PC: variants seen among roughly 807,000 people sequenced by gnomAD.
The protein encoded by PC is pyruvate carboxylase, also known as pyruvate carboxylase, mitochondrial.
PC carries 46 observed loss-of-function variants against 107.8 expected under a neutral mutation model. The ratio of observed to expected loss-of-function variants is 0.43; its 90% confidence interval spans 0.34 to 0.55. PC has a LOEUF of 0.55. Ranked by LOEUF, PC falls within the 20% of genes least tolerant of loss-of-function variation. The pLI, the probability that PC is intolerant of heterozygous loss-of-function variation, is 0.04. For missense variants in PC, 1,241 were observed against 1,643.1 expected (o/e 0.76, Z 4.23); for synonymous variants, 662 against 684.7 (o/e 0.97, Z 0.52).
chr11:66,878,811 G>A (rs1249839662), intron 3 of PC, among the ~76,000 whole-genome samples: 1 of 152,152 alleles, frequency 6.6e-6, no homozygotes, highest in African/African-American at 2.4e-5. Context: ...AGGGCTCTTC[G>A]GCTGAAGTCA....
chr11:66,949,296 A>G (rs1003674380), intron 3 of PC, among the ~76,000 whole-genome samples: 2 of 151,710 alleles, frequency 1.3e-5, no homozygotes, highest in Non-Finnish European at 2.9e-5. Context: ...ATGCCCGGCC[A>G]GAAGAATTAT....
At chr11:66,950,470 T>C (rs1418937326) in intron 3 of PC, among the ~76,000 whole-genome samples, 1 of 152,034 alleles carries the variant, frequency 6.6e-6, no homozygotes, top group African/African-American at 2.4e-5. Context: ...GTACCTGGGG[T>C]AACGCCTTCA....
chr11:66,858,529 G>T lies in PC; in HGVS notation c.1369-5146C>A, dbSNP rs747655680. The T allele has an allele frequency of 5.2e-6, 8 of 1,533,708 alleles. No homozygotes were observed. Among genetic ancestry groups the T allele is most frequent in the Non-Finnish European group, 6.1e-6 (7 of 1,145,372 alleles). On this transcript the variant is annotated intron_variant, in intron 12 of 22. Transcript: ENST00000393960. The surrounding 1 kb of genome is among the most constrained non-coding windows in gnomAD (Gnocchi z 5.9). ...CTGGAAACGTGCGCCTCCCCGCCCG[G>T]CCTGGCCGGCCGCTACTTCTGGGCA...
At chr11:66,897,306 C>A (rs1947794478) in intron 3 of PC, among the ~76,000 whole-genome samples, 1 of 152,174 alleles carries the variant, frequency 6.6e-6, no homozygotes, top group African/African-American at 2.4e-5. Context: ...TGCAGTGGCT[C>A]ACACCTATAA....
At chr11:66,887,859 A>G (rs1368488105) in intron 3 of PC, among the ~76,000 whole-genome samples, 1 of 152,256 alleles carries the variant, frequency 6.6e-6, no homozygotes, top group Non-Finnish European at 1.5e-5. Flanking sequence ...CATCACTTTC[A>G]CAGGCCGAAA....
At chr11:66,898,255 G>T (rs1947828254) in intron 3 of PC, among the ~76,000 whole-genome samples, 1 of 152,242 alleles carries the variant, frequency 6.6e-6, no homozygotes, top group Non-Finnish European at 1.5e-5. Flanking sequence ...AGCGGTCACA[G>T]CCCGGTGGGA....
intron 3 of PC, among the ~76,000 whole-genome samples, chr11:66,903,790 A>G (rs1404349406): frequency 7.1e-6 from 1 of 140,730 alleles, no homozygotes; most frequent in African/African-American, 2.6e-5. Context: ...ATATATATAT[A>G]TACACACACC....
At chr11:66,893,416 A>C (rs2136018502) in intron 3 of PC, among the ~76,000 whole-genome samples, 1 of 152,258 alleles carries the variant, frequency 6.6e-6, no homozygotes, top group African/African-American at 2.4e-5. Context: ...ACAGAACCCA[A>C]ATAAAGAAGG....
rs1225576331 is a variant in PC at position 66,949,106 on chromosome 11, C to T, written c.-1+3324G>A. On this transcript the variant is annotated intron_variant, in intron 3 of 22. Coordinates refer to ENST00000393960, the MANE Select transcript of PC (RefSeq NM_001040716.2). ...CTCCCGGGTTCAAGCGATTCTCCTG[C>T]CTCAGCCTCCCAAGTAGCTGGGATT... Among the ~76,000 whole-genome samples, 4 of 151,344 alleles carry T rather than the reference C, an allele frequency of 2.6e-5. No homozygotes were observed. In the East Asian group the frequency reaches 6.0e-4, roughly 23 times the overall value.
chr11:66,893,429 C>T (rs969322568), intron 3 of PC, among the ~76,000 whole-genome samples: 2 of 152,108 alleles, frequency 1.3e-5, no homozygotes, highest in Non-Finnish European at 1.5e-5. Flanking sequence ...AAAGAAGGCT[C>T]TTTTCTTTTT....
chr11:66,908,143 G>A lies in PC; in HGVS notation c.1-35984C>T, dbSNP rs573057705. Among the ~76,000 whole-genome samples the A allele has an allele frequency of 8.5e-5, 13 of 152,182 alleles. No individual in the cohort carries two copies. In the East Asian group the frequency reaches 2.5e-3, roughly 29 times the overall value. On this transcript the variant is annotated intron_variant, in intron 3 of 22. Transcript: ENST00000393960. ...AAGATGAAAGGGCAGTGGTGTTCGA[G>A]TTTCACAAAGAAGGGAGGGCCAGGG...
chr11:66,871,843 G>A lies in PC; in HGVS notation c.165C>T (p.Ala55=), dbSNP rs1348811800. ...RGEIAIRVFR[A]CTELGIRTVA... is the part of the protein sequence containing the mutation. The stretch of plus-strand genomic sequence containing the variant: ...CGGTGCGGATGCCCAGCTCCGTGCA[G>A]GCCCGGAACACACGGATGGCAATCT... Residue 55 remains alanine, a synonymous_variant, in exon 5 of 23, where the codon GCC becomes GCT. Transcript: ENST00000393960. This position sits in a 1 kb window ranked among gnomAD's most constrained non-coding sequence, Gnocchi z 7.4. 6.2e-7 allele frequency: 1 copy of A among 1,608,832 alleles called. No individual in the cohort carries two copies. Among genetic ancestry groups the A allele is most frequent in the South Asian group, 1.1e-5 (1 of 90,832 alleles).
intron 3 of PC, among the ~76,000 whole-genome samples, chr11:66,906,624 A>C (rs1378510123): frequency 6.6e-6 from 1 of 151,592 alleles, no homozygotes; most frequent in Admixed American, 6.6e-5. Context: ...CCATCCCCCC[A>C]GTCTTTCCCC....
chr11:66,949,682 A>G (rs775122144), intron 3 of PC, among the ~76,000 whole-genome samples: 1 of 152,160 alleles, frequency 6.6e-6, no homozygotes, highest in Admixed American at 6.6e-5. Context: ...AAAAATAAAT[A>G]AATAAAAGCC....
chr11:66,932,639 G>C (rs1948889400), intron 3 of PC, among the ~76,000 whole-genome samples: 1 of 152,126 alleles, frequency 6.6e-6, no homozygotes, highest in South Asian at 2.1e-4. Flanking sequence ...TCTGGCCCTG[G>C]GGGGAAAGCC....
chr11:66,849,662 G>C lies in PC; in HGVS notation c.3096C>G (p.Ser1032Arg). The stretch of plus-strand genomic sequence containing the variant: ...CCTGCAGGAAGAGGCGAGTATTCAG[G>C]CTATCCAGGGGGCCAAAGGTGGCAG... ...DFTATFGPLDSLNTRLFLQGP... is the reference protein window; with the variant it reads ...DFTATFGPLDRLNTRLFLQGP... The change falls in exon 21 of 23, where the codon AGC becomes AGG. Residue 1032 changes from serine (S) to arginine (R), a missense_variant. Transcript: ENST00000393960. The C allele has an allele frequency of 6.2e-7, 1 of 1,614,188 alleles. No individual in the cohort carries two copies.
intron 12 of PC, chr11:66,859,870 C>T: frequency 6.4e-7 from 1 of 1,563,704 alleles, no homozygotes; most frequent in Non-Finnish European, 8.7e-7. Flanking sequence ...GTGCTGGTGG[C>T]TGCCTTACTG....
chr11:66,870,597 C>A lies in PC; in HGVS notation c.752-144G>T. Reference sequence around the variant, plus strand: ...CTGCCAGGAGAGACACCAGCATCACCAAGGCTGTGAGGACCAACTGCCAGC... The same window carrying A: ...CTGCCAGGAGAGACACCAGCATCACAAAGGCTGTGAGGACCAACTGCCAGC... On this transcript the variant is annotated intron_variant, in intron 8 of 22. Coordinates refer to ENST00000393960, the MANE Select transcript of PC (RefSeq NM_001040716.2). This position sits in a 1 kb window ranked among gnomAD's most constrained non-coding sequence, Gnocchi z 6.1. 1.7e-6 allele frequency: 2 copies of A among 1,171,404 alleles called. No individual in the cohort carries two copies. Among genetic ancestry groups the A allele is most frequent in the Non-Finnish European group, 2.5e-6 (2 of 800,028 alleles). 72.6% of individuals were successfully genotyped at this position (1,171,404 alleles called of 1,614,324 possible).
chr11:66,895,513 T>G (rs1039165215), intron 3 of PC, among the ~76,000 whole-genome samples: 1 of 152,152 alleles, frequency 6.6e-6, no homozygotes, highest in Non-Finnish European at 1.5e-5. Flanking sequence ...GGCATTCACA[T>G]TCTCACAGAA....
Sources: allele counts gnomAD v4.1 joint callset (sites outside exome capture counted in the v4.1 genomes callset), GRCh38; gene constraint gnomAD v4.1.1; non-coding constraint Gnocchi (gnomAD v3.1); transcripts MANE v1.5; gene names NCBI Gene and HGNC (gene_info 2026-07-23, HGNC 2026-07-21).